Variants in LIMS1 observed in about 807,000 individuals in gnomAD.
LIMS1 encodes the protein LIM and senescent cell antigen-like-containing domain protein 1.
A neutral mutation model predicts 44.1 loss-of-function variants in LIMS1; 18 were observed. The observed-to-expected ratio is 0.41, with a 90% CI of 0.28 to 0.61. LIMS1 has a LOEUF of 0.61. Ranked by LOEUF, LIMS1 falls within the 20% of genes least tolerant of loss-of-function variation. The pLI, the probability that LIMS1 is intolerant of heterozygous loss-of-function variation, is 0.32. For synonymous variants in LIMS1, 93 were observed against 149.1 expected, an observed-to-expected ratio of 0.62 and a Z score of 2.74; for missense variants, 201 against 422.0, an observed-to-expected ratio of 0.48 and a Z score of 4.59.
intron 1 of LIMS1, among the ~76,000 whole-genome samples, chr2:108,633,185 G>A (rs373729250): frequency 6.6e-6 from 1 of 152,142 alleles, no homozygotes; most frequent in East Asian, 1.9e-4. Flanking sequence ...AATTGATTTG[G>A]TGAGGTTATT....
At chr2:108,551,636 A>G (rs1428022481) in intron 1 of LIMS1, among the ~76,000 whole-genome samples, 6 of 144,446 alleles carry the variant, frequency 4.2e-5, no homozygotes, top group East Asian at 4.0e-4. Flanking sequence ...GTGTATATAT[A>G]TGTATATATG....
chr2:108,681,108 T>C (rs1692962945), intron 9 of LIMS1: 1 of 1,279,668 alleles, frequency 7.8e-7, no homozygotes, highest in African/African-American at 1.5e-5. Flanking sequence ...AAAGCCAGTC[T>C]GTTTGTAAAC....
intron 1 of LIMS1, among the ~76,000 whole-genome samples, chr2:108,627,780 AAAAC>A (rs1321643348): frequency 1.3e-5 from 2 of 152,224 alleles, no homozygotes; most frequent in African/African-American, 2.4e-5. Context: ...TTCTGTGACT[AAAAC>A]AAACTTTGGA....
intron 1 of LIMS1, among the ~76,000 whole-genome samples, chr2:108,600,720 A>G (rs924990474): frequency 6.6e-6 from 1 of 152,030 alleles, no homozygotes; most frequent in Admixed American, 6.5e-5. Flanking sequence ...ATTCCGTTCC[A>G]TTGGTCTATA....
At chr2:108,666,818 T>C (rs561753707) in intron 2 of LIMS1, among the ~76,000 whole-genome samples, 3 of 151,978 alleles carry the variant, frequency 2.0e-5, no homozygotes, top group Non-Finnish European at 4.4e-5. Flanking sequence ...ATAAAATAAA[T>C]TTTTAAAAAG....
intron 1 of LIMS1, among the ~76,000 whole-genome samples, chr2:108,586,455 A>G (rs556580026): frequency 1.3e-5 from 2 of 152,238 alleles, no homozygotes; most frequent in Non-Finnish European, 2.9e-5. Context: ...GGTAGTTGAA[A>G]GAGAACTTTC....
At chr2:108,676,151 G>A (rs1251375709) in intron 6 of LIMS1, 123 bp downstream of exon 6, 2 of 1,274,250 alleles carry the variant, frequency 1.6e-6, no homozygotes, top group Admixed American at 2.9e-5. Context: ...CATGATTCAG[G>A]TGTCCTGGCA....
chr2:108,667,946 A>C (rs1691898637), intron 2 of LIMS1, among the ~76,000 whole-genome samples: 2 of 152,042 alleles, frequency 1.3e-5, no homozygotes, highest in Admixed American at 6.6e-5. Context: ...TTATTTTTCT[A>C]TTGGTATTTT....
intron 3 of LIMS1, among the ~76,000 whole-genome samples, chr2:108,671,597 G>A (rs2438754): frequency 2.7e-4 from 41 of 152,260 alleles, no homozygotes; most frequent in South Asian, 4.1e-4. Flanking sequence ...TACCTCTGCC[G>A]GGTTTCCAGA....
At chr2:108,550,683 G>A (rs1304498937) in intron 1 of LIMS1, among the ~76,000 whole-genome samples, 1 of 151,202 alleles carries the variant, frequency 6.6e-6, no homozygotes, top group South Asian at 2.1e-4. Context: ...GGGCGTCGTG[G>A]CGGGTGCCTG....
chr2:108,678,156 G>A (rs1015659617), intron 8 of LIMS1, 129 bp downstream of exon 8: 5 of 1,219,020 alleles, frequency 4.1e-6, no homozygotes. Flanking sequence ...CTCTATCTTT[G>A]GCGTATTTTC....
intron 1 of LIMS1, among the ~76,000 whole-genome samples, chr2:108,566,709 G>A (rs1685303376): frequency 6.6e-6 from 1 of 152,040 alleles, no homozygotes; most frequent in East Asian, 1.9e-4. Flanking sequence ...CGATTCTCCT[G>A]CCTCGGCCTC....
chr2:108,603,580 C>CACCT (rs1687126747), intron 1 of LIMS1, among the ~76,000 whole-genome samples: 1 of 149,704 alleles, frequency 6.7e-6, no homozygotes, highest in South Asian at 2.1e-4. Flanking sequence ...CTACAACCTC[C>CACCT]ACCTCCTGGG....
rs549152717 is a variant in LIMS1 at position 108,638,618 on chromosome 2, A to G, written c.33-20987A>G. ...AAAAATTAGCCTGGTGTGGTAGCAC[A>G]TGCCTGTAATTCCAGCTACTCAGGA... On this transcript the variant is annotated intron_variant, in intron 1 of 9. Transcript: ENST00000544547. 3.9e-5 allele frequency among the ~76,000 whole-genome samples: 6 copies of G among 152,212 alleles called. No homozygotes were observed. In the South Asian group the frequency reaches 1.2e-3, roughly 32 times the overall value.
intron 5 of LIMS1, 144 bp downstream of exon 5, chr2:108,673,173 AATG>A (rs1451449751): frequency 8.0e-7 from 1 of 1,256,056 alleles, no homozygotes; most frequent in Non-Finnish European, 1.1e-6. Flanking sequence ...GAGTCAAGAG[AATG>A]ATATAATGAA....
In LIMS1 at chr2:108,641,058, T is replaced by C. The variant is rs182028266; in HGVS notation, c.33-18547T>C. On this transcript the variant is annotated intron_variant, in intron 1 of 9. Transcript: ENST00000544547. ...CATGTGTCTTTCTGTGCCTGACTTA[T>C]TTCACTTAACATAATGTACCCCGGG... 3.5e-4 allele frequency among the ~76,000 whole-genome samples: 54 copies of C among 152,312 alleles called. No individual in the cohort carries two copies. The East Asian group carries it at 9.8e-3, about 28-fold the overall frequency.
intron 2 of LIMS1, among the ~76,000 whole-genome samples, chr2:108,667,551 A>T (rs2917996): frequency 0.075 from 9,750 of 130,414 alleles, 472 homozygotes; most frequent in African/African-American, 0.14. Context: ...AAAAAAAAAA[A>T]ATATATATAT....
chr2:108,581,948 AAAAC>A (rs749472872), intron 1 of LIMS1, among the ~76,000 whole-genome samples: 6 of 152,204 alleles, frequency 3.9e-5, no homozygotes, highest in East Asian at 3.9e-4. Flanking sequence ...AAAAAAAAAA[AAAAC>A]AAACAAAAAA....
intron 1 of LIMS1, among the ~76,000 whole-genome samples, chr2:108,585,145 C>G (rs1039996765): frequency 8.6e-6 from 1 of 115,848 alleles, no homozygotes. Flanking sequence ...AGCATGACTC[C>G]GTCTCAAAAA....
Sources: gnomAD v4.1 joint callset for allele counts (sites outside exome capture counted in the v4.1 genomes callset) on GRCh38, gnomAD v4.1.1 for gene constraint, MANE v1.5 for transcripts, NCBI Gene and HGNC (gene_info 2026-07-23, HGNC 2026-07-21) for gene names.